PCSK2: variants seen among roughly 807,000 people sequenced by gnomAD.
The protein encoded by PCSK2 is neuroendocrine convertase 2.
In PCSK2, 14 loss-of-function variants were observed where a neutral mutation model predicts 69.7. The ratio of observed to expected loss-of-function variants is 0.20; its 90% CI spans 0.13 to 0.31. The LOEUF (loss-of-function observed/expected upper bound fraction) is 0.31, where lower values mean the gene tolerates loss of function less well. PCSK2 is among the 10% of genes least tolerant of loss of function. The probability of loss-of-function intolerance (pLI) is 1.00; values close to 1 mark genes in which losing one functional copy is unlikely to be tolerated. For synonymous variants in PCSK2, 307 were observed against 320.7 expected (o/e 0.96, Z 0.46); for missense variants, 544 against 842.5 (o/e 0.65, Z 4.39).
chr20:17,303,495 AATATAAT>A (rs1454573927), intron 2 of PCSK2, among the ~76,000 whole-genome samples: 9 of 62,824 alleles, frequency 1.4e-4, no homozygotes, highest in Non-Finnish European at 2.2e-4. Flanking sequence ...TATTATATTT[AATATAAT>A]ATATATTATA....
At chr20:17,463,138 T>C (rs199987953) in intron 10 of PCSK2, among the ~76,000 whole-genome samples, 1 of 51,530 alleles carries the variant, frequency 1.9e-5, no homozygotes, top group Non-Finnish European at 4.7e-5. Flanking sequence ...TCTCTCATGC[T>C]CTCTCTCTTT....
At chr20:17,363,792 C>T (rs753678359) in intron 4 of PCSK2, among the ~76,000 whole-genome samples, 5 of 152,192 alleles carry the variant, frequency 3.3e-5, no homozygotes, top group African/African-American at 9.6e-5. Context: ...TCACTATGTG[C>T]TAGACACTGC....
At chr20:17,340,156 T>C (rs1226713591) in intron 2 of PCSK2, among the ~76,000 whole-genome samples, 72 of 152,210 alleles carry the variant, frequency 4.7e-4, no homozygotes, top group Admixed American at 4.7e-3. Flanking sequence ...ATATTGAAGC[T>C]TTTAGAGTAA....
chr20:17,411,474 G>T (rs1343363076), intron 6 of PCSK2, among the ~76,000 whole-genome samples: 1 of 151,980 alleles, frequency 6.6e-6, no homozygotes, highest in Non-Finnish European at 1.5e-5. Flanking sequence ...GCCTGATGGA[G>T]GGAGGCTGAG....
rs552504521 is a variant in PCSK2, at chr20:17,296,412, G to T, written c.282+36068G>T. Among the ~76,000 whole-genome samples, 12 of 152,236 alleles carry T rather than the reference G, an allele frequency of 7.9e-5. No individual in the cohort carries two copies. The East Asian group carries it at 2.3e-3, about 29-fold the overall frequency. On this transcript the variant is annotated intron_variant, in intron 2 of 11. Transcript: ENST00000262545. ...TTTAAAGATAAACATTAAATAAGAT[G>T]ACCTTTTGTAGACATCCCTACTGCT... is the stretch of plus-strand genomic sequence containing the variant.
At chr20:17,320,574 G>A (rs1989833058) in intron 2 of PCSK2, among the ~76,000 whole-genome samples, 1 of 152,198 alleles carries the variant, frequency 6.6e-6, no homozygotes, top group South Asian at 2.1e-4. Flanking sequence ...ACCAGTGTGG[G>A]CAACTGGGAC....
intron 2 of PCSK2, among the ~76,000 whole-genome samples, chr20:17,309,833 A>AGAC (rs1343508124): frequency 6.7e-6 from 1 of 149,894 alleles, no homozygotes; most frequent in Non-Finnish European, 1.5e-5. Context: ...GAGAAGAAGA[A>AGAC]GAAGAAGAGG....
chr20:17,383,755 C>G (rs928449624), intron 5 of PCSK2, among the ~76,000 whole-genome samples: 1 of 152,160 alleles, frequency 6.6e-6, no homozygotes, highest in Non-Finnish European at 1.5e-5. Context: ...AATATGGACA[C>G]TCTATTCACA....
At chr20:17,292,829 T>C (rs916249866) in intron 2 of PCSK2, among the ~76,000 whole-genome samples, 2 of 152,150 alleles carry the variant, frequency 1.3e-5, no homozygotes, top group Non-Finnish European at 2.9e-5. Flanking sequence ...TGGGGTGTTT[T>C]TTTTTATTTT....
At chr20:17,479,796 C>CAAAAAAA (rs5840770) in intron 11 of PCSK2, among the ~76,000 whole-genome samples, 2 of 89,768 alleles carry the variant, frequency 2.2e-5, no homozygotes, top group Non-Finnish European at 2.2e-5. Context: ...GACTCCGTCT[C>CAAAAAAA]AAAAAAAAAA....
chr20:17,481,018 A>T (rs1327175651), intron 11 of PCSK2, among the ~76,000 whole-genome samples: 1 of 152,176 alleles, frequency 6.6e-6, no homozygotes, highest in Non-Finnish European at 1.5e-5. Flanking sequence ...GAAGGGACTT[A>T]GGAGACTCAG....
chr20:17,407,282 G>A (rs1390900724), intron 5 of PCSK2, among the ~76,000 whole-genome samples: 3 of 152,152 alleles, frequency 2.0e-5, no homozygotes, highest in East Asian at 3.9e-4. Context: ...GGAAGAGGCA[G>A]CCTCAGGGGC....
At chr20:17,277,817 T>C (rs905789304) in intron 2 of PCSK2, among the ~76,000 whole-genome samples, 13 of 151,816 alleles carry the variant, frequency 8.6e-5, no homozygotes, top group African/African-American at 3.1e-4. Context: ...TGCAACCTAC[T>C]CATCTGACAA....
intron 8 of PCSK2, among the ~76,000 whole-genome samples, chr20:17,443,870 G>A (rs1243426506): frequency 1.3e-5 from 2 of 152,202 alleles, no homozygotes; most frequent in African/African-American, 4.8e-5. Context: ...ATGACAGCAA[G>A]TACATCTTTT....
intron 4 of PCSK2, 80 bp downstream of exon 4, chr20:17,360,720 G>A (rs2030363251): frequency 4.9e-6 from 4 of 820,704 alleles, no homozygotes; most frequent in Non-Finnish European, 6.1e-6. Flanking sequence ...TATTGTTTTG[G>A]AGATGCTAAC....
intron 8 of PCSK2, among the ~76,000 whole-genome samples, chr20:17,450,402 G>A (rs1351999590): frequency 6.6e-6 from 1 of 152,144 alleles, no homozygotes; most frequent in Non-Finnish European, 1.5e-5. Context: ...AGACTGAATA[G>A]GATAATATGT....
intron 2 of PCSK2, among the ~76,000 whole-genome samples, chr20:17,301,974 A>G (rs980163272): frequency 6.6e-6 from 1 of 152,028 alleles, no homozygotes; most frequent in African/African-American, 2.4e-5. Flanking sequence ...TCTTCAATTT[A>G]CATACTTGGT....
chr20:17,409,376 C>T (rs376435187), intron 6 of PCSK2, 37 bp downstream of exon 6: 15 of 1,422,214 alleles, frequency 1.1e-5, no homozygotes, highest in Middle Eastern at 1.8e-4. Context: ...TGACTTTAGG[C>T]TTTGGGGTTT....
chr20:17,308,135 A>G (rs1989384925), intron 2 of PCSK2, among the ~76,000 whole-genome samples: 1 of 151,440 alleles, frequency 6.6e-6, no homozygotes, highest in Admixed American at 6.6e-5. Flanking sequence ...AAGGTGCTAC[A>G]CACTTTTAAA....
Sources: allele counts gnomAD v4.1 joint callset (sites outside exome capture counted in the v4.1 genomes callset), GRCh38; gene constraint gnomAD v4.1.1; transcripts MANE v1.5; gene names NCBI Gene and HGNC (gene_info 2026-07-23, HGNC 2026-07-21).